The following PARD3 variants were observed in gnomAD, a reference collection of about 807,000 sequenced individuals.
The protein encoded by PARD3 is par-3 family cell polarity regulator, also known as partitioning defective 3 homolog.
In PARD3, 75 loss-of-function variants were observed where a neutral mutation model predicts 155.4. The ratio of observed to expected loss-of-function variants is 0.48; its 90% CI spans 0.40 to 0.58. The LOEUF (loss-of-function observed/expected upper bound fraction) is 0.58. Ranked by LOEUF, PARD3 falls within the 20% of genes least tolerant of loss-of-function variation. The pLI is 0.00. For synonymous variants in PARD3, 576 were observed against 610.5 expected (o/e 0.94, Z 0.83); for missense variants, 1,642 against 1,721.7 (o/e 0.95, Z 0.82).
chr10:34,681,515 A>C (rs559295900), intron 2 of PARD3, among the ~76,000 whole-genome samples: 1 of 151,662 alleles, frequency 6.6e-6, no homozygotes, highest in Admixed American at 6.6e-5. Context: ...CTTTAAAAGT[A>C]TGTGGAATGC....
intron 19 of PARD3, among the ~76,000 whole-genome samples, chr10:34,325,477 C>T (rs1834912489): frequency 6.6e-6 from 1 of 152,086 alleles, no homozygotes; most frequent in Admixed American, 6.5e-5. Flanking sequence ...AAATCTCCTC[C>T]TCTACTTTCC....
chr10:34,162,636 C>G (rs1949342777), intron 22 of PARD3, among the ~76,000 whole-genome samples: 1 of 152,178 alleles, frequency 6.6e-6, no homozygotes, highest in Admixed American at 6.5e-5. Flanking sequence ...AATAAATCAA[C>G]TAGAATTGTG....
chr10:34,238,693 G>A (rs1422407556), intron 22 of PARD3, among the ~76,000 whole-genome samples: 3 of 152,180 alleles, frequency 2.0e-5, no homozygotes, highest in Non-Finnish European at 4.4e-5. Flanking sequence ...CAGTGGTGAC[G>A]GGAATAGACA....
chr10:34,243,109 T>A (rs1953713207), intron 22 of PARD3, among the ~76,000 whole-genome samples: 1 of 152,244 alleles, frequency 6.6e-6, no homozygotes, highest in South Asian at 2.1e-4. Flanking sequence ...TATAATTACC[T>A]AGTGAGAAAA....
At chr10:34,115,500 T>C (rs912706980) in intron 24 of PARD3, among the ~76,000 whole-genome samples, 9 of 152,066 alleles carry the variant, frequency 5.9e-5, no homozygotes, top group Non-Finnish European at 1.5e-5. Context: ...GAGGAGCAAT[T>C]TTTCTGTTCT....
intron 13 of PARD3, 115 bp downstream of exon 13, chr10:34,359,956 G>A (rs1246894556): frequency 2.7e-6 from 2 of 737,976 alleles, no homozygotes; most frequent in South Asian, 1.8e-5. Flanking sequence ...TGTGAATGTG[G>A]GTACCATAAA....
intron 21 of PARD3, among the ~76,000 whole-genome samples, chr10:34,278,215 TA>T (rs5784405): frequency 6.6e-6 from 1 of 150,944 alleles, no homozygotes; most frequent in African/African-American, 2.4e-5. Flanking sequence ...CCCTGCTAAT[TA>T]AAAAAAATAT....
chr10:34,406,800 GAA>G (rs369654163), intron 5 of PARD3, among the ~76,000 whole-genome samples: 2 of 143,202 alleles, frequency 1.4e-5, no homozygotes, highest in Admixed American at 7.0e-5. Context: ...AAAGCAACAT[GAA>G]AAAAAAAAAA....
chr10:34,421,257 T>C (rs1256080870), intron 5 of PARD3, among the ~76,000 whole-genome samples: 1 of 151,836 alleles, frequency 6.6e-6, no homozygotes, highest in African/African-American at 2.4e-5. Context: ...TAGCATTTAC[T>C]AGTTATTAAC....
chr10:34,447,833 TGAAAGTGATAACAAG>T (rs369186678), intron 5 of PARD3, among the ~76,000 whole-genome samples: 3,787 of 147,836 alleles, frequency 0.026, 158 homozygotes, highest in African/African-American at 0.091. Context: ...AAAGTCAAAA[TGAAAGTGATAACAAG>T]GATGCGAAGA....
At chr10:34,302,781 A>G (rs1035752817) in intron 20 of PARD3, among the ~76,000 whole-genome samples, 1 of 152,096 alleles carries the variant, frequency 6.6e-6, no homozygotes, top group Non-Finnish European at 1.5e-5. Flanking sequence ...CCTCTTTCAG[A>G]CCTGTTTTAA....
At chr10:34,196,472 A>C (rs1007334378) in intron 22 of PARD3, among the ~76,000 whole-genome samples, 1 of 152,098 alleles carries the variant, frequency 6.6e-6, no homozygotes, top group African/African-American at 2.4e-5. Flanking sequence ...TAAATTGAAC[A>C]ATGCTTGAGA....
chr10:34,551,852 A>C (rs1038421300), intron 2 of PARD3, among the ~76,000 whole-genome samples: 1 of 152,200 alleles, frequency 6.6e-6, no homozygotes, highest in Non-Finnish European at 1.5e-5. Context: ...TCACAGGAGA[A>C]GCCACCAGGA....
At chr10:34,792,094 G>C (rs1161906668) in intron 1 of PARD3, among the ~76,000 whole-genome samples, 1 of 152,070 alleles carries the variant, frequency 6.6e-6, no homozygotes, top group Non-Finnish European at 1.5e-5. Flanking sequence ...TATGCGCCCT[G>C]TTCCTGCCTC....
At chr10:34,798,971 G>A (rs1312429287) in intron 1 of PARD3, among the ~76,000 whole-genome samples, 1 of 152,152 alleles carries the variant, frequency 6.6e-6, no homozygotes, top group Non-Finnish European at 1.5e-5. Context: ...ATCTCCAAAC[G>A]TGACCCAGAG....
At chr10:34,310,458 A>C (rs1026598041) in intron 20 of PARD3, among the ~76,000 whole-genome samples, 11 of 152,220 alleles carry the variant, frequency 7.2e-5, no homozygotes, top group African/African-American at 2.4e-4. Context: ...GGTTTGCTTT[A>C]GAGAGACTAT....
At chr10:34,360,352 A>C (rs941300679) in intron 12 of PARD3, 93 bp from the exon 13 acceptor site, 1 of 828,966 alleles carries the variant, frequency 1.2e-6, no homozygotes, top group Non-Finnish European at 1.9e-6. Flanking sequence ...TTCCTTAATC[A>C]TAAGAGGCAA....
intron 1 of PARD3, among the ~76,000 whole-genome samples, chr10:34,767,997 A>G (rs1022676516): frequency 6.6e-6 from 1 of 152,146 alleles, no homozygotes; most frequent in Admixed American, 6.5e-5. Context: ...TATAAGAAGC[A>G]TGAGTTTGTT....
At chr10:34,260,936 G>T (rs902653747) in intron 22 of PARD3, among the ~76,000 whole-genome samples, 1 of 152,110 alleles carries the variant, frequency 6.6e-6, no homozygotes, top group Non-Finnish European at 1.5e-5. Flanking sequence ...AACGGGAGGG[G>T]AAACAAGTTC....
Sources: gnomAD v4.1 joint callset for allele counts (sites outside exome capture counted in the v4.1 genomes callset) on GRCh38, gnomAD v4.1.1 for gene constraint, MANE v1.5 for transcripts, NCBI Gene and HGNC (gene_info 2026-07-23, HGNC 2026-07-21) for gene names.